Variants in ITGB1BP1 observed in about 807,000 individuals in gnomAD.
The protein encoded by ITGB1BP1 is integrin beta-1-binding protein 1.
Under a neutral mutation model 28.0 loss-of-function variants are expected in ITGB1BP1, and 20 were observed. That is an observed-to-expected ratio of 0.71 (90% confidence interval 0.50 to 1.04). The LOEUF (loss-of-function observed/expected upper bound fraction) is 1.04, where lower values mean the gene tolerates loss of function less well. Ranked by LOEUF, ITGB1BP1 falls within the 50% of genes least tolerant of loss-of-function variation. ITGB1BP1 has a pLI of 0.00. For synonymous variants in ITGB1BP1, 103 were observed against 89.5 expected (o/e 1.15, Z -0.85); for missense variants, 228 against 242.5 (o/e 0.94, Z 0.40).
intron 1 of ITGB1BP1, among the ~76,000 whole-genome samples, chr2:9,420,624 CG>C (rs1679703516): frequency 6.6e-6 from 1 of 152,060 alleles, no homozygotes; most frequent in Non-Finnish European, 1.5e-5. Flanking sequence ...CAATGCCGTG[CG>C]GGTGGAGAGG....
Position 9,404,213 on chromosome 2 carries a change from T to C in ITGB1BP1, c.*2621A>G, listed in dbSNP as rs1318405542. 3 of 152,256 alleles carry C rather than the reference T, an allele frequency of 2.0e-5. No individual in the cohort carries two copies. The highest frequency in any genetic ancestry group is 2.1e-4 in the South Asian group (1 of 4,834). The allele number at this position is 152,256 out of a possible 1,614,324, so 9.4% of individuals were successfully genotyped here. ...TAACACATCACTTGCTGTTTCCTAC[T>C]GAGTGTACCACTGCCTTCCCTTCTA... On this transcript the variant is annotated 3_prime_UTR_variant, in exon 7 of 7. Coordinates refer to ENST00000355346, the MANE Select transcript of ITGB1BP1 (RefSeq NM_004763.5).
chr2:9,408,049 C>G (rs756113718), intron 5 of ITGB1BP1, 64 bp downstream of exon 5: 1 of 869,246 alleles, frequency 1.2e-6, no homozygotes, highest in Admixed American at 2.1e-5. Flanking sequence ...TATAAGGGGG[C>G]TCTTAATGGC....
At chr2:9,408,299 C>T (rs1677825885) in intron 4 of ITGB1BP1, 94 bp from the exon 5 acceptor site, 7 of 761,652 alleles carry the variant, frequency 9.2e-6, no homozygotes, top group Non-Finnish European at 1.4e-5. Context: ...CATCGCAAGC[C>T]CAAACCCTTT....
chr2:9,407,852 G>A (rs1231816819), intron 5 of ITGB1BP1: 1 of 558,366 alleles, frequency 1.8e-6, no homozygotes, highest in South Asian at 2.3e-5. Flanking sequence ...TTGATGAGGG[G>A]CCCTTAGTTG....
chr2:9,423,074 G>A, intron 1 of ITGB1BP1: 1 of 1,007,050 alleles, frequency 9.9e-7, no homozygotes, highest in African/African-American at 1.7e-5. Context: ...CCGAAGCGGG[G>A]CAGAGGAAGA....
intron 2 of ITGB1BP1, among the ~76,000 whole-genome samples, chr2:9,414,700 T>TA (rs755533912): frequency 3.3e-5 from 5 of 152,198 alleles, no homozygotes; most frequent in Non-Finnish European, 7.3e-5. Flanking sequence ...TTTAGTGACT[T>TA]ATCCAAGGTC....
rs975291819 is a variant in ITGB1BP1, at chr2:9,407,612, G to A, written c.382-14C>T. On this transcript the variant is annotated splice_polypyrimidine_tract_variant and intron_variant, in intron 5 of 6. Coordinates refer to ENST00000355346, the MANE Select transcript of ITGB1BP1 (RefSeq NM_004763.5). Reference sequence around the variant, plus strand: ...GTGCAAAACATCCTGCAGAAGTCAGGAAAGATTCCGAGAGATCAGGACTCT... The same window carrying A: ...GTGCAAAACATCCTGCAGAAGTCAGAAAAGATTCCGAGAGATCAGGACTCT... The A allele has an allele frequency of 1.9e-6, 3 of 1,613,704 alleles. No homozygotes were observed. The African/African-American group carries it at 4.0e-5, about 22-fold the overall frequency.
rs896201057 is a variant in ITGB1BP1 at position 9,415,983 on chromosome 2, G to A, written c.73-1727C>T. ...CTGAGGGGGCCTTGTGCGACCCTGC[G>A]AGACGCCTCCTTCTGTGCTGTGCCT... is the stretch of plus-strand genomic sequence containing the variant. On this transcript the variant is annotated intron_variant, in intron 2 of 6. Coordinates refer to ENST00000355346, the MANE Select transcript of ITGB1BP1 (RefSeq NM_004763.5). This position sits in a 1 kb window ranked among gnomAD's most constrained non-coding sequence, Gnocchi z 4.1. Among the ~76,000 whole-genome samples the A allele has an allele frequency of 6.6e-6, 1 of 152,236 alleles. No individual in the cohort carries two copies. The highest frequency in any genetic ancestry group is 1.5e-5 in the Non-Finnish European group (1 of 68,040).
intron 2 of ITGB1BP1, among the ~76,000 whole-genome samples, chr2:9,416,205 C>T (rs530565166): frequency 5.8e-4 from 89 of 152,236 alleles, no homozygotes; most frequent in African/African-American, 2.0e-3. Flanking sequence ...CTATTTGACC[C>T]GTATATTTTA....
intron 3 of ITGB1BP1, among the ~76,000 whole-genome samples, chr2:9,413,392 G>A (rs11692972): frequency 0.027 from 4,112 of 151,900 alleles, 185 homozygotes; most frequent in African/African-American, 0.094. Flanking sequence ...GCAGTGGTGC[G>A]ATTCTCAGCT....
At chr2:9,414,143 G>C in intron 3 of ITGB1BP1, 35 bp downstream of exon 3, 1 of 1,554,286 alleles carries the variant, frequency 6.4e-7, no homozygotes, top group South Asian at 1.1e-5. Flanking sequence ...TCAATGAAAA[G>C]CGCAGACAAT....
At chr2:9,408,769 G>A (rs1362821652) in intron 4 of ITGB1BP1, among the ~76,000 whole-genome samples, 2 of 152,228 alleles carry the variant, frequency 1.3e-5, no homozygotes, top group African/African-American at 2.4e-5. Flanking sequence ...ATGAGCCACT[G>A]TGCCCAGCCG....
chr2:9,423,125 C>G, intron 1 of ITGB1BP1: 1 of 1,010,524 alleles, frequency 9.9e-7, no homozygotes, highest in Non-Finnish European at 1.2e-6. Flanking sequence ...TGCCGCCCCT[C>G]CGGGGCGACA....
At chr2:9,412,126 G>C (rs1189849301) in intron 4 of ITGB1BP1, 143 bp downstream of exon 4, 2 of 681,098 alleles carry the variant, frequency 2.9e-6, no homozygotes, top group Non-Finnish European at 2.6e-6. Context: ...TCACGCACAT[G>C]TGCGGTGGTG....
intron 4 of ITGB1BP1, among the ~76,000 whole-genome samples, chr2:9,409,887 C>T (rs1678101084): frequency 6.7e-6 from 1 of 150,052 alleles, no homozygotes; most frequent in African/African-American, 2.5e-5. Flanking sequence ...TCTTGTTGCC[C>T]AGGCTGGAGT....
chr2:9,407,412 G>A (rs776737654), intron 6 of ITGB1BP1, 37 bp downstream of exon 6: 1 of 1,612,824 alleles, frequency 6.2e-7, no homozygotes, highest in South Asian at 1.1e-5. Flanking sequence ...GTTGCGACTT[G>A]ATGGGCAAGC....
chr2:9,422,267 G>A (rs1428748440), intron 1 of ITGB1BP1, among the ~76,000 whole-genome samples: 1 of 152,212 alleles, frequency 6.6e-6, no homozygotes, highest in Admixed American at 6.5e-5. Context: ...CAAAGTCAGA[G>A]ACCAAAGTCA....
chr2:9,422,438 C>A, intron 1 of ITGB1BP1: 2 of 985,594 alleles, frequency 2.0e-6, no homozygotes, highest in Non-Finnish European at 2.4e-6. Flanking sequence ...TTGCACCGCC[C>A]GGGACGTCCT....
intron 2 of ITGB1BP1, among the ~76,000 whole-genome samples, chr2:9,417,065 G>A (rs1055952517): frequency 2.0e-5 from 3 of 152,038 alleles, no homozygotes; most frequent in African/African-American, 7.3e-5. Flanking sequence ...CTCCCCGGCA[G>A]TCTCTCTGCT....
Sources: allele counts gnomAD v4.1 joint callset (sites outside exome capture counted in the v4.1 genomes callset), GRCh38; gene constraint gnomAD v4.1.1; non-coding constraint Gnocchi (gnomAD v3.1); transcripts MANE v1.5; gene names NCBI Gene and HGNC (gene_info 2026-07-23, HGNC 2026-07-21).